The following LDB3 variants were observed in gnomAD, a reference collection of about 807,000 sequenced individuals.
LDB3 encodes LIM domain-binding protein 3.
A neutral mutation model predicts 69.0 loss-of-function variants in LDB3; 49 were observed. The observed-to-expected ratio is 0.71, with a 90% CI of 0.56 to 0.90. The LOEUF (loss-of-function observed/expected upper bound fraction) is 0.90. Among genes scored for constraint, LDB3 ranks in the 40% least tolerant of loss-of-function variants. The pLI, the probability that LDB3 is intolerant of heterozygous loss-of-function variation, is 0.00. For missense variants in LDB3, 928 were observed against 974.1 expected (o/e 0.95, Z 0.63); for synonymous variants, 387 against 396.2 (o/e 0.98, Z 0.28).
chr10:86,671,607 G>C (rs1468866981), intron 2 of LDB3, among the ~76,000 whole-genome samples: 3 of 152,202 alleles, frequency 2.0e-5, no homozygotes, highest in Non-Finnish European at 2.9e-5. Flanking sequence ...AAGTGGAGAA[G>C]GGGGAGCAGC....
chr10:86,716,826 T>G, intron 10 of LDB3, 55 bp downstream of exon 10: 1 of 1,525,398 alleles, frequency 6.6e-7, no homozygotes, highest in South Asian at 1.2e-5. Flanking sequence ...GTGTGTGGGG[T>G]GCTTGCCCAC....
At chr10:86,680,732 T>A (rs1366903163) in intron 4 of LDB3, among the ~76,000 whole-genome samples, 1 of 152,212 alleles carries the variant, frequency 6.6e-6, no homozygotes, top group African/African-American at 2.4e-5. Context: ...ACCTCACCAC[T>A]GCCTAGGCCC....
chr10:86,667,621 G>A (rs1279432804), upstream of LDB3, among the ~76,000 whole-genome samples: 1 of 152,228 alleles, frequency 6.6e-6, no homozygotes, highest in African/African-American at 2.4e-5. Flanking sequence ...TGCCATTCCT[G>A]CGCAAAGGGC....
At position 86,681,639 on chromosome 10, in the gene LDB3, G is replaced by T. The variant is rs757099637; in HGVS notation, c.525G>T (p.Glu175Asp). The T allele has an allele frequency of 1.2e-6, 2 of 1,613,214 alleles. No individual in the cohort carries two copies. Among genetic ancestry groups the T allele is most frequent in the East Asian group, 4.5e-5 (2 of 44,876 alleles). Residue 175 changes from glutamate (E) to aspartate (D), a missense_variant, in exon 5 of 14, where the codon GAG (glutamate) becomes GAT (aspartate). Coordinates refer to ENST00000361373, the MANE Select transcript of LDB3 (RefSeq NM_007078.3). ...RASLRAKTSPEGARDLLGPKA... is the reference protein window; with the variant it reads ...RASLRAKTSPDGARDLLGPKA... ...GCCTGAGGGCCAAGACCAGCCCAGAGGGGGCCCGGGACCTACTCGGCCCAA... is the reference window on the plus strand; with the variant it reads ...GCCTGAGGGCCAAGACCAGCCCAGATGGGGCCCGGGACCTACTCGGCCCAA...
At chr10:86,680,523 G>A (rs945099342) in intron 4 of LDB3, among the ~76,000 whole-genome samples, 1 of 152,200 alleles carries the variant, frequency 6.6e-6, no homozygotes, top group Non-Finnish European at 1.5e-5. Context: ...TGCCAAGGGG[G>A]CCACCGCTGG....
intron 7 of LDB3, among the ~76,000 whole-genome samples, chr10:86,695,257 T>C (rs898382364): frequency 6.6e-6 from 1 of 152,228 alleles, no homozygotes. Context: ...TGAATACACA[T>C]GTCAAGAAGA....
chr10:86,708,256 C>CG (rs945982130), intron 8 of LDB3, among the ~76,000 whole-genome samples: 1 of 152,170 alleles, frequency 6.6e-6, no homozygotes, highest in African/African-American at 2.4e-5. Context: ...GGCTGCCCAG[C>CG]GGGGAGTGGG....
intron 8 of LDB3, 103 bp downstream of exon 8, chr10:86,706,822 C>A: frequency 7.7e-7 from 1 of 1,296,302 alleles, no homozygotes; most frequent in Non-Finnish European, 1.1e-6. Context: ...TAGTTAGGGC[C>A]CGCAGGCCTA....
At chr10:86,695,763 A>G (rs1018440111) in intron 7 of LDB3, among the ~76,000 whole-genome samples, 1 of 152,130 alleles carries the variant, frequency 6.6e-6, no homozygotes, top group African/African-American at 2.4e-5. Context: ...TGATCACTCA[A>G]AAGGTCAGAT....
intron 10 of LDB3, 142 bp downstream of exon 10, chr10:86,716,913 A>C (rs1248954005): frequency 7.9e-6 from 7 of 884,032 alleles, no homozygotes; most frequent in Non-Finnish European, 1.3e-5. Flanking sequence ...CTGGCTTGCC[A>C]TCTGGTCTTA....
intron 12 of LDB3, among the ~76,000 whole-genome samples, chr10:86,725,046 A>AC (rs1244515128): frequency 6.6e-6 from 1 of 152,240 alleles, no homozygotes; most frequent in Admixed American, 6.5e-5. Context: ...CAATGAATGG[A>AC]CATACTATCC....
Position 86,692,700 on chromosome 10 carries a change from G to A in LDB3, c.896+129G>A. ...GGATTTGGAAAGCCTGGCCTGCAAA[G>A]GGCTCCAGCTGACACTAGCTTGAGG... On this transcript the variant is annotated intron_variant, in intron 7 of 13. Coordinates refer to ENST00000361373, the MANE Select transcript of LDB3 (RefSeq NM_007078.3). The A allele has an allele frequency of 7.0e-6, 6 of 863,024 alleles. No individual in the cohort carries two copies. In the South Asian group the frequency reaches 8.1e-5, roughly 12 times the overall value. 53.5% of individuals were successfully genotyped at this position (863,024 alleles called of 1,614,324 possible).
At chr10:86,707,178 G>A (rs1348746409) in intron 8 of LDB3, among the ~76,000 whole-genome samples, 1 of 152,100 alleles carries the variant, frequency 6.6e-6, no homozygotes, top group Non-Finnish European at 1.5e-5. Context: ...AGGCAGCATT[G>A]GAGCTGGGCA....
intron 7 of LDB3, among the ~76,000 whole-genome samples, chr10:86,697,900 A>T (rs539507732): frequency 1.3e-5 from 2 of 152,214 alleles, no homozygotes; most frequent in African/African-American, 2.4e-5. Context: ...AATTCAGTGC[A>T]GTTATAAGAA....
In LDB3 at chr10:86,668,549, T is replaced by C; in HGVS notation, c.-45T>C. The C allele has an allele frequency of 1.3e-6, 1 of 742,946 alleles. No individual in the cohort carries two copies. Among genetic ancestry groups the C allele is most frequent in the South Asian group, 1.4e-5 (1 of 70,248 alleles). 46.0% of individuals were successfully genotyped at this position (742,946 alleles called of 1,614,324 possible). On this transcript the variant is annotated 5_prime_UTR_variant, in exon 1 of 14. Coordinates refer to ENST00000361373, the MANE Select transcript of LDB3 (RefSeq NM_007078.3). Reference sequence around the variant, plus strand: ...TCTCAAGAGCTCCACGCAGCCCGGCTGGGCAGCAAGGGACAGAACAGGCAA... The same window carrying C: ...TCTCAAGAGCTCCACGCAGCCCGGCCGGGCAGCAAGGGACAGAACAGGCAA...
chr10:86,708,665 G>A (rs1481843863), intron 8 of LDB3, among the ~76,000 whole-genome samples: 1 of 152,218 alleles, frequency 6.6e-6, no homozygotes, highest in Admixed American at 6.5e-5. Flanking sequence ...GGCCTGGGGA[G>A]GGGAGACAAT....
chr10:86,687,311 A>G, intron 5 of LDB3: 1 of 1,591,682 alleles, frequency 6.3e-7, no homozygotes, highest in East Asian at 2.2e-5. Flanking sequence ...CAGTGCCTCC[A>G]GAGCCCGAGG....
At chr10:86,727,284 A>G (rs543374104) in intron 13 of LDB3, among the ~76,000 whole-genome samples, 3 of 152,070 alleles carry the variant, frequency 2.0e-5, no homozygotes, top group Admixed American at 6.5e-5. Flanking sequence ...GGCCTCCCCA[A>G]GTTGTGGGAA....
chr10:86,687,526 C>G (rs958364873), intron 5 of LDB3, among the ~76,000 whole-genome samples: 1 of 152,226 alleles, frequency 6.6e-6, no homozygotes, highest in Non-Finnish European at 1.5e-5. Flanking sequence ...TTTTCACAGC[C>G]TCTGCATTTT....
Sources: allele counts gnomAD v4.1 joint callset (sites outside exome capture counted in the v4.1 genomes callset), GRCh38; gene constraint gnomAD v4.1.1; transcripts MANE v1.5; gene names NCBI Gene and HGNC (gene_info 2026-07-23, HGNC 2026-07-21).